Variants in CSNK1G2 observed in about 807,000 individuals in gnomAD.
CSNK1G2 encodes the protein casein kinase I isoform gamma-2.
A neutral mutation model predicts 48.0 loss-of-function variants in CSNK1G2; 11 were observed. The ratio of observed to expected loss-of-function variants is 0.23; its 90% CI spans 0.14 to 0.38. The LOEUF (loss-of-function observed/expected upper bound fraction) is 0.38, where lower values mean the gene tolerates loss of function less well. Ranked by LOEUF, CSNK1G2 falls within the 10% of genes least tolerant of loss-of-function variation. The pLI is 1.00. For synonymous variants in CSNK1G2, 337 were observed against 254.1 expected (o/e 1.33, Z -3.10); for missense variants, 446 against 595.5 (o/e 0.75, Z 2.61).
chr19:1,976,873 G>C (rs113710862), intron 2 of CSNK1G2, among the ~76,000 whole-genome samples: 20 of 152,172 alleles, frequency 1.3e-4, no homozygotes, highest in African/African-American at 4.8e-4. Flanking sequence ...CCTGGTAGCT[G>C]GGATTACAGG....
intron 2 of CSNK1G2, among the ~76,000 whole-genome samples, chr19:1,974,351 C>T (rs1258217794): frequency 6.6e-6 from 1 of 152,146 alleles, no homozygotes; most frequent in Admixed American, 6.5e-5. Flanking sequence ...TGGATTCGCC[C>T]TTTAGTCAGG....
At position 1,980,121 on chromosome 19, in the gene CSNK1G2, C is replaced by G. The variant is rs768256425; in HGVS notation, c.1194-28C>G. The G allele has an allele frequency of 1.1e-5, 18 of 1,612,492 alleles. No individual in the cohort carries two copies. In the Middle Eastern group the frequency reaches 6.6e-4, roughly 59 times the overall value. ...GCTGCCCCCGCCCTGCACCCCGGTC[C>G]TCCTACCTGAGCCACTGCCCTCCTC... On this transcript the variant is annotated intron_variant, in intron 11 of 11. Transcript: ENST00000255641.
rs781161994 is a variant in CSNK1G2, at chr19:1,980,404, C to T, written c.*201C>T. The T allele has an allele frequency of 3.1e-6, 2 of 655,218 alleles. No individual in the cohort carries two copies. The highest frequency in any genetic ancestry group is 5.4e-6 in the Non-Finnish European group (2 of 369,744). 40.6% of individuals were successfully genotyped at this position (655,218 alleles called of 1,614,324 possible). On this transcript the variant is annotated 3_prime_UTR_variant, in exon 12 of 12. Coordinates refer to ENST00000255641, the MANE Select transcript of CSNK1G2 (RefSeq NM_001319.7). ...TCACTTCCTTCATGTAAGACTTTGG[C>T]CGAAATTTCTACACCTGTGTCTAGT...
Position 1,969,924 on chromosome 19 carries a change from A to C in CSNK1G2, c.152A>C (p.Lys51Thr), listed in dbSNP as rs777437170. Residue 51 changes from lysine (K) to threonine (T), a missense_variant, in exon 2 of 12, where the codon AAG (lysine) becomes ACG (threonine). Lys to Thr is a moderately conservative substitution (Grantham distance 78, BLOSUM62 -1). This residue lies in a region of CSNK1G2 where 258 missense variants were observed against 415.9 expected (regional missense o/e 0.62). Coordinates refer to ENST00000255641, the MANE Select transcript of CSNK1G2 (RefSeq NM_001319.7). ...GGCCCCAACTTCCGCGTCGGCAAGA[A>C]GATCGGCTGCGGCAACTTCGGGGAG... ...MVGPNFRVGKKIGCGNFGELR... is the reference protein window; with the variant it reads ...MVGPNFRVGKTIGCGNFGELR... 2 of 1,311,508 alleles carry C rather than the reference A, an allele frequency of 1.5e-6. No homozygotes were observed. The highest frequency in any genetic ancestry group is 6.1e-5 in the Admixed American group (2 of 32,716). 81.2% of individuals were successfully genotyped at this position (1,311,508 alleles called of 1,614,324 possible). A position where few individuals can be genotyped will look rare whatever the true frequency, so the allele number is the denominator to read the frequency against.
Position 1,980,417 on chromosome 19 carries a change from A to C in CSNK1G2, c.*214A>C. The C allele has an allele frequency of 1.6e-6, 1 of 628,274 alleles. No individual in the cohort carries two copies. The highest frequency in any genetic ancestry group is 2.8e-5 in the East Asian group (1 of 36,314). The allele number at this position is 628,274 out of a possible 1,614,324, so 38.9% of individuals were successfully genotyped here. On this transcript the variant is annotated 3_prime_UTR_variant, in exon 12 of 12. Transcript: ENST00000255641. ...GTAAGACTTTGGCCGAAATTTCTAC[A>C]CCTGTGTCTAGTCCTCCCCTCCAAG...
chr19:1,969,207 T>C (rs1231197359), intron 1 of CSNK1G2, among the ~76,000 whole-genome samples: 2 of 151,916 alleles, frequency 1.3e-5, no homozygotes, highest in Non-Finnish European at 2.9e-5. Flanking sequence ...CTCCTGGCAG[T>C]ACACTCTCCC....
Position 1,955,568 on chromosome 19 carries a change from G to T in CSNK1G2, c.-265-13940G>T, listed in dbSNP as rs1011892840. On this transcript the variant is annotated intron_variant, in intron 1 of 11. Transcript: ENST00000255641. ...CTGGGCGAGGCTCCGCGAGTCGGGGGCAGCGCCCAGGTCAGGGGCTTCTCC... is the reference window on the plus strand; with the variant it reads ...CTGGGCGAGGCTCCGCGAGTCGGGGTCAGCGCCCAGGTCAGGGGCTTCTCC... 5.3e-5 allele frequency among the ~76,000 whole-genome samples: 8 copies of T among 152,284 alleles called. 1 individual carries two copies. Among genetic ancestry groups the T allele is most frequent in the Admixed American group, 2.0e-4 (3 of 15,314 alleles).
At position 1,980,226 on chromosome 19, in the gene CSNK1G2, G is replaced by GA; in HGVS notation, c.*25dup. On this transcript the variant is annotated 3_prime_UTR_variant, in exon 12 of 12. Transcript: ENST00000255641. ...TGACCCTGGGCGCGTGCAGCCCCCT[G>GA]AATCTTCTCCGTGCAGCCCCTTGGG... is the stretch of plus-strand genomic sequence containing the variant. 2 of 1,612,568 alleles carry GA rather than the reference G, an allele frequency of 1.2e-6. No homozygotes were observed. Among genetic ancestry groups the GA allele is most frequent in the Non-Finnish European group, 1.7e-6 (2 of 1,179,690 alleles).
Position 1,972,157 on chromosome 19 carries a change from C to T in CSNK1G2, c.187+2198C>T, listed in dbSNP as rs566743465. On this transcript the variant is annotated intron_variant, in intron 2 of 11. Coordinates refer to ENST00000255641, the MANE Select transcript of CSNK1G2 (RefSeq NM_001319.7). Reference sequence around the variant, plus strand: ...GTGTGCTTCGCGGGCAGCCGCACATCGTGGTTTCTCAGGGGTGCCGGGAGG... The same window carrying T: ...GTGTGCTTCGCGGGCAGCCGCACATTGTGGTTTCTCAGGGGTGCCGGGAGG... Among the ~76,000 whole-genome samples, 63 of 152,374 alleles carry T rather than the reference C, an allele frequency of 4.1e-4. 1 individual carries two copies. The highest frequency in any genetic ancestry group is 1.4e-3 in the African/African-American group (60 of 41,604).
At chr19:1,970,944 A>C (rs1014969644) in intron 2 of CSNK1G2, among the ~76,000 whole-genome samples, 1 of 152,156 alleles carries the variant, frequency 6.6e-6, no homozygotes, top group Admixed American at 6.5e-5. Flanking sequence ...CAGATGAGGG[A>C]AACAGGCCCA....
chr19:1,941,743 A>C, intron 1 of CSNK1G2, among the ~76,000 whole-genome samples: 1 of 141,838 alleles, frequency 7.1e-6, no homozygotes, highest in Non-Finnish European at 1.5e-5. Context: ...CGCCCCAGTG[A>C]CCCTCACACT....
rs1482353292 is a variant in CSNK1G2 at position 1,979,335 on chromosome 19, A to G, written c.785A>G (p.Glu262Gly). The change falls in exon 8 of 12, where the codon GAG becomes GGG. Residue 262 changes from glutamate to glycine, a missense_variant. Transcript: ENST00000255641. ...WQGLKADTLK[E>G]RYQKIGDTKR... ...CCCCCGCAGGCCGACACGCTCAAGG[A>G]GCGGTACCAGAAGATCGGGGACACC... 2 of 1,604,236 alleles carry G rather than the reference A, an allele frequency of 1.2e-6. No individual in the cohort carries two copies. The highest frequency in any genetic ancestry group is 2.2e-5 in the East Asian group (1 of 44,478).
intron 1 of CSNK1G2, among the ~76,000 whole-genome samples, chr19:1,946,905 C>T (rs912340435): frequency 6.6e-6 from 1 of 151,920 alleles, no homozygotes; most frequent in Non-Finnish European, 1.5e-5. Flanking sequence ...GCCACTGTGC[C>T]CGGCCTATTC....
intron 1 of CSNK1G2, among the ~76,000 whole-genome samples, chr19:1,967,876 G>GT (rs2015422374): frequency 3.1e-5 from 1 of 32,120 alleles, no homozygotes; most frequent in Admixed American, 2.6e-4. Flanking sequence ...TCCCCAGGCT[G>GT]CCCCCGACCA....
In CSNK1G2 at chr19:1,978,271, G is replaced by T. The variant is rs748416798; in HGVS notation, c.188-34G>T. 2 of 1,612,566 alleles carry T rather than the reference G, an allele frequency of 1.2e-6. No homozygotes were observed. The highest frequency in any genetic ancestry group is 4.5e-5 in the East Asian group (2 of 44,870). On this transcript the variant is annotated intron_variant, in intron 2 of 11. Transcript: ENST00000255641. This position sits in a 1 kb window ranked among gnomAD's most constrained non-coding sequence, Gnocchi z 7.3. ...GGGAGGTCGGGGCTAGGTGGGCCCTGCGCTGGCGGTGCTGATGGTCTCTGT... is the reference window on the plus strand; with the variant it reads ...GGGAGGTCGGGGCTAGGTGGGCCCTTCGCTGGCGGTGCTGATGGTCTCTGT...
chr19:1,949,705 C>G (rs1202942472), intron 1 of CSNK1G2, among the ~76,000 whole-genome samples: 3 of 152,252 alleles, frequency 2.0e-5, no homozygotes. Flanking sequence ...CCATCCATAC[C>G]TGCACTGTTT....
intron 1 of CSNK1G2, among the ~76,000 whole-genome samples, chr19:1,950,706 G>T (rs1210871934): frequency 6.9e-6 from 1 of 145,222 alleles, no homozygotes; most frequent in Non-Finnish European, 1.5e-5. Flanking sequence ...GAACACCAAG[G>T]CACCTTCTCG....
Sources: allele counts gnomAD v4.1 joint callset (sites outside exome capture counted in the v4.1 genomes callset), GRCh38; gene constraint gnomAD v4.1.1; regional missense constraint gnomAD v4.1.1; non-coding constraint Gnocchi (gnomAD v3.1); transcripts MANE v1.5; gene names NCBI Gene and HGNC (gene_info 2026-07-23, HGNC 2026-07-21).